The following RNF40 variants were observed in gnomAD, a reference collection of about 807,000 sequenced individuals.
The protein encoded by RNF40 is ring finger protein 40.
In RNF40, 39 loss-of-function variants were observed where a neutral mutation model predicts 123.3. The ratio of observed to expected loss-of-function variants is 0.32; its 90% CI spans 0.24 to 0.41. RNF40 has a LOEUF of 0.41. RNF40 is among the 10% of genes least tolerant of loss of function. The pLI, the probability that RNF40 is intolerant of heterozygous loss-of-function variation, is 1.00. For synonymous variants in RNF40, 538 were observed against 526.0 expected, an observed-to-expected ratio of 1.02 and a Z score of -0.31; for missense variants, 1,003 against 1,319.9, an observed-to-expected ratio of 0.76 and a Z score of 3.72.
At position 30,766,885 on chromosome 16, in the gene RNF40, T is replaced by A. The variant is rs1596750961; in HGVS notation, c.1429+9T>A. The A allele has an allele frequency of 6.2e-7, 1 of 1,612,116 alleles. No homozygotes were observed. The highest frequency in any genetic ancestry group is 8.5e-7 in the Non-Finnish European group (1 of 1,179,632). ...GGCCAACGAGCAGGCGGGTATGTGG[T>A]GAGGATAGGGCGGAGGTGGGGCCTT... On this transcript the variant is annotated intron_variant, in intron 11 of 19. Transcript: ENST00000324685. The surrounding 1 kb of genome is among the most constrained non-coding windows in gnomAD (Gnocchi z 5.4).
chr16:30,769,167 C>T lies in RNF40; in HGVS notation c.2248-19C>T. The T allele has an allele frequency of 1.9e-6, 3 of 1,613,434 alleles. No homozygotes were observed. The highest frequency in any genetic ancestry group is 2.5e-6 in the Non-Finnish European group (3 of 1,179,418). ...GTCCACTTCCCACGTTCCATCTTGT[C>T]TCTGCCCACTTGCTGCAGGAGGAGG... On this transcript the variant is annotated intron_variant, in intron 15 of 19. Transcript: ENST00000324685.
chr16:30,762,468 TC>T lies in RNF40; in HGVS notation c.-71-6del, dbSNP rs1426065394. The T allele has an allele frequency of 7.0e-7, 1 of 1,426,910 alleles. No homozygotes were observed. Among genetic ancestry groups the T allele is most frequent in the Non-Finnish European group, 9.3e-7 (1 of 1,076,190 alleles). 88.4% of individuals were successfully genotyped at this position (1,426,910 alleles called of 1,614,324 possible). On this transcript the variant is annotated splice_polypyrimidine_tract_variant and splice_region_variant and intron_variant, in intron 1 of 19. Coordinates refer to ENST00000324685, the MANE Select transcript of RNF40 (RefSeq NM_014771.4). ...GTTCCCACATCTCTGCTCTGTGTCT[TC>T]TGCAGGTGACGGAAGTACCGCCTCC...
At chr16:30,769,160 A>G (rs1182809914) in intron 15 of RNF40, 26 bp from the exon 16 acceptor site, 7 of 1,612,684 alleles carry the variant, frequency 4.3e-6, no homozygotes, top group African/African-American at 4.0e-5. Context: ...CCCACGTTCC[A>G]TCTTGTCTCT....
At chr16:30,765,755 C>T (rs1285566285) in intron 8 of RNF40, among the ~76,000 whole-genome samples, 2 of 152,208 alleles carry the variant, frequency 1.3e-5, no homozygotes, top group Non-Finnish European at 2.9e-5. Context: ...AAGAATATAT[C>T]TTTAGGTTCT....
chr16:30,761,626 C>T (rs919664331), upstream of RNF40: 1 of 1,536,010 alleles, frequency 6.5e-7, no homozygotes, highest in South Asian at 1.2e-5. Flanking sequence ...TCGCACGCGT[C>T]CGCGCGGCCG....
Position 30,773,934 on chromosome 16 carries a change from C to G in RNF40, c.2830-4C>G. 6.2e-7 allele frequency: 1 copy of G among 1,609,740 alleles called. No individual in the cohort carries two copies. The highest frequency in any genetic ancestry group is 1.1e-5 in the South Asian group (1 of 90,762). On this transcript the variant is annotated splice_region_variant and splice_polypyrimidine_tract_variant and intron_variant, in intron 19 of 19. Transcript: ENST00000324685. ...TCCCAAGCTGATGCCTTTGCCTGGC[C>G]CAGGCGCGGTTGACCTGCCCCTGCT... is the stretch of plus-strand genomic sequence containing the variant.
chr16:30,762,306 C>G (rs942578900), upstream of RNF40: 6 of 499,634 alleles, frequency 1.2e-5, no homozygotes, highest in African/African-American at 1.2e-4. Flanking sequence ...TCCAGTGACG[C>G]CCAGTGACGT....
upstream of RNF40, chr16:30,762,296 T>A: frequency 2.1e-6 from 1 of 472,872 alleles, no homozygotes. Context: ...GGCAGTGGCG[T>A]CCAGTGACGC....
rs970599433 is a variant in RNF40 at position 30,763,351 on chromosome 16, A to G, written c.300+66A>G. The G allele has an allele frequency of 3.7e-6, 6 of 1,607,872 alleles. No homozygotes were observed. In the South Asian group the frequency reaches 5.5e-5, roughly 15 times the overall value. On this transcript the variant is annotated intron_variant, in intron 3 of 19. Coordinates refer to ENST00000324685, the MANE Select transcript of RNF40 (RefSeq NM_014771.4). ...CTGCCAATCCCCAGATTCCCCTGCT[A>G]GGAAAGGAGTATCATGTTGGAAAGC...
At position 30,766,991 on chromosome 16, in the gene RNF40, C is replaced by A; in HGVS notation, c.1429+115C>A. 10 of 1,339,960 alleles carry A rather than the reference C, an allele frequency of 7.5e-6. No individual in the cohort carries two copies. In the South Asian group the frequency reaches 1.5e-4, roughly 20 times the overall value. 83.0% of individuals were successfully genotyped at this position (1,339,960 alleles called of 1,614,324 possible). ...TAAGGCCTTTTTTTTCACAGAGCCT[C>A]GGCTTCCTATGCAAAACAGGGCCTG... On this transcript the variant is annotated intron_variant, in intron 11 of 19. Transcript: ENST00000324685. This position sits in a 1 kb window ranked among gnomAD's most constrained non-coding sequence, Gnocchi z 5.4.
intron 8 of RNF40, among the ~76,000 whole-genome samples, chr16:30,765,754 T>A (rs2054017144): frequency 6.6e-6 from 1 of 152,208 alleles, no homozygotes; most frequent in South Asian, 2.1e-4. Context: ...AAAGAATATA[T>A]CTTTAGGTTC....
Position 30,766,348 on chromosome 16 carries a change from T to G in RNF40, c.1114-31T>G, listed in dbSNP as rs1175606780. ...GGAGGGACTGAGCCCTGAATCCTGT[T>G]GCTGATCCCATTTGGGCATCCCTGC... On this transcript the variant is annotated intron_variant, in intron 9 of 19. Transcript: ENST00000324685. The surrounding 1 kb of genome is among the most constrained non-coding windows in gnomAD (Gnocchi z 5.4). 6.2e-7 allele frequency: 1 copy of G among 1,612,360 alleles called. No individual in the cohort carries two copies. The highest frequency in any genetic ancestry group is 1.7e-5 in the Admixed American group (1 of 59,976).
Position 30,769,536 on chromosome 16 carries a change from G to C in RNF40, c.2522G>C (p.Ser841Thr). 1 of 1,612,626 alleles carries C rather than the reference G, an allele frequency of 6.2e-7. No homozygotes were observed. ...GAGAAGGAGCGAGCCTTGCAGGGCA[G>C]CCTCGGGGGTGTGGAGAAGGAGCTG... ...LEEKERALQGSLGGVEKELTL... is the reference protein window; with the variant it reads ...LEEKERALQGTLGGVEKELTL... The change falls in exon 17 of 20, where the codon AGC becomes ACC. Residue 841 changes from serine (S) to threonine (T), a missense_variant. Transcript: ENST00000324685.
At chr16:30,771,425 G>A (rs1405435256) in intron 17 of RNF40, among the ~76,000 whole-genome samples, 1 of 152,004 alleles carries the variant, frequency 6.6e-6, no homozygotes, top group Non-Finnish European at 1.5e-5. Context: ...AGACCATCCT[G>A]GCTAACACGG....
At chr16:30,761,762 C>T (rs1441593391), upstream of RNF40, 3 of 1,511,736 alleles carry the variant, frequency 2.0e-6, no homozygotes, top group East Asian at 2.5e-5. Context: ...GCCGCTCTTC[C>T]GTGCCGCGAG....
rs1386217760 is a variant in RNF40 at position 30,762,592 on chromosome 16, G to A, written c.47G>A (p.Gly16Glu). Residue 16 changes from glycine to glutamate, a missense_variant, in exon 2 of 20, where the codon GGG becomes GAG. Around this residue, in one of 11 missense-constraint regions of RNF40, gnomAD observed 51 missense variants for 56.2 expected, o/e 0.91. Coordinates refer to ENST00000324685, the MANE Select transcript of RNF40 (RefSeq NM_014771.4). ...NKRAAGDGGS[G>E]PPEKKLSREE... is the part of the protein sequence containing the mutation. Reference sequence around the variant, plus strand: ...CGCGCCGCCGGCGACGGGGGCTCAGGGCCCCCGGAAAAGAAGCTGAGTCGT... The same window carrying A: ...CGCGCCGCCGGCGACGGGGGCTCAGAGCCCCCGGAAAAGAAGCTGAGTCGT... The A allele has an allele frequency of 6.2e-7, 1 of 1,607,274 alleles. No homozygotes were observed. Among genetic ancestry groups the A allele is most frequent in the South Asian group, 1.1e-5 (1 of 90,620 alleles).
rs140066306 is a variant in RNF40 at position 30,767,988 on chromosome 16, T to C, written c.1524T>C (p.Leu508=). The C allele has an allele frequency of 8.1e-4, 1,308 of 1,614,112 alleles. 14 individuals are homozygous for C. The highest frequency in any genetic ancestry group is 1.5e-3 in the Middle Eastern group (9 of 6,062). ...ACGCCCAGCGATACAAGCGGAAGCTTCGAGAAGTACAAGCTGAGATTGGCA... is the reference window on the plus strand; with the variant it reads ...ACGCCCAGCGATACAAGCGGAAGCTCCGAGAAGTACAAGCTGAGATTGGCA... The part of the protein sequence containing the change: ...KGDAQRYKRK[L]REVQAEIGKL... The change falls in exon 12 of 20, where the codon CTT becomes CTC. Residue 508 remains leucine, a synonymous_variant. Coordinates refer to ENST00000324685, the MANE Select transcript of RNF40 (RefSeq NM_014771.4).
rs774449470 is a variant in RNF40 at position 30,765,350 on chromosome 16, G to A, written c.918+23G>A. On this transcript the variant is annotated intron_variant, in intron 7 of 19. Transcript: ENST00000324685. Reference sequence around the variant, plus strand: ...CAGGTGGGGCAGGGGTGCTGGGGCAGGTGAGGCAAGGCTGGGCCCTTGGGC... The same window carrying A: ...CAGGTGGGGCAGGGGTGCTGGGGCAAGTGAGGCAAGGCTGGGCCCTTGGGC... 1.9e-6 allele frequency: 3 copies of A among 1,614,054 alleles called. No individual in the cohort carries two copies. In the African/African-American group the frequency reaches 4.0e-5, roughly 22 times the overall value.
chr16:30,769,729 T>C (rs909491330), intron 17 of RNF40, 129 bp downstream of exon 17: 78 of 1,055,414 alleles, frequency 7.4e-5, no homozygotes, highest in Non-Finnish European at 9.4e-5. Flanking sequence ...CTCACACATA[T>C]TGAACATTTA....
Sources: allele counts gnomAD v4.1 joint callset (sites outside exome capture counted in the v4.1 genomes callset), GRCh38; gene constraint gnomAD v4.1.1; regional missense constraint gnomAD v4.1.1; non-coding constraint Gnocchi (gnomAD v3.1); transcripts MANE v1.5; gene names NCBI Gene and HGNC (gene_info 2026-07-23, HGNC 2026-07-21).